The following NFIA variants were observed in gnomAD, a reference collection of about 807,000 sequenced individuals.
The protein encoded by NFIA is nuclear factor 1 A-type.
NFIA carries 8 observed loss-of-function variants against 62.8 expected under a neutral mutation model. That is an observed-to-expected ratio of 0.13 (90% CI 0.07 to 0.23). The LOEUF is 0.23. Ranked by LOEUF, NFIA falls within the 10% of genes least tolerant of loss-of-function variation. NFIA has a pLI of 1.00. For synonymous variants in NFIA, 235 were observed against 238.1 expected (o/e 0.99, Z 0.12); for missense variants, 410 against 642.1 (o/e 0.64, Z 3.91).
intron 2 of NFIA, among the ~76,000 whole-genome samples, chr1:61,162,427 A>G (rs1030422143): frequency 6.6e-6 from 1 of 152,208 alleles, no homozygotes; most frequent in African/African-American, 2.4e-5. Context: ...ATGTGAAAAG[A>G]CAGAGTTATA....
chr1:61,408,128 C>T (rs906447672), intron 9 of NFIA, among the ~76,000 whole-genome samples: 3 of 152,192 alleles, frequency 2.0e-5, no homozygotes, highest in Non-Finnish European at 4.4e-5. Context: ...ATGAGCAGCA[C>T]TGTGCATAGA....
chr1:61,269,650 T>G (rs1468450284), intron 2 of NFIA, among the ~76,000 whole-genome samples: 1 of 152,208 alleles, frequency 6.6e-6, no homozygotes, highest in Non-Finnish European at 1.5e-5. Flanking sequence ...GTTCCAAAGC[T>G]TGAATATCCA....
chr1:61,197,300 G>A (rs914035094), intron 2 of NFIA, among the ~76,000 whole-genome samples: 28 of 145,520 alleles, frequency 1.9e-4, no homozygotes, highest in African/African-American at 7.2e-4. Context: ...GTGCAGTGGC[G>A]TGATCTCGGC....
intron 9 of NFIA, among the ~76,000 whole-genome samples, chr1:61,415,582 C>T (rs530152081): frequency 1.3e-5 from 2 of 152,136 alleles, no homozygotes; most frequent in East Asian, 3.9e-4. Context: ...GAGAGCAATA[C>T]TGATTAAAAC....
chr1:61,208,114 T>G (rs891110004), intron 2 of NFIA, among the ~76,000 whole-genome samples: 2 of 152,076 alleles, frequency 1.3e-5, no homozygotes, highest in Non-Finnish European at 2.9e-5. Context: ...TCAAGTGCTT[T>G]CTTTCTTTAA....
chr1:61,192,428 G>A (rs1054099342), intron 2 of NFIA, among the ~76,000 whole-genome samples: 2 of 152,226 alleles, frequency 1.3e-5, no homozygotes, highest in South Asian at 2.1e-4. Flanking sequence ...CTTGCCAGGC[G>A]CAGTGGCTCA....
At chr1:61,331,143 A>G (rs376234261) in intron 3 of NFIA, among the ~76,000 whole-genome samples, 5 of 152,146 alleles carry the variant, frequency 3.3e-5, no homozygotes, top group African/African-American at 1.2e-4. Context: ...AAATTTTGCC[A>G]TTTTATTTCA....
At chr1:61,383,413 T>G (rs751786754) in intron 7 of NFIA, 48 bp downstream of exon 7, 1 of 1,602,944 alleles carries the variant, frequency 6.2e-7, no homozygotes, top group Admixed American at 1.7e-5. Context: ...TCATGGCCTT[T>G]GGACCCAAGT....
intron 7 of NFIA, 56 bp downstream of exon 7, chr1:61,383,421 A>G (rs556541370): frequency 1.9e-5 from 30 of 1,600,200 alleles, no homozygotes; most frequent in Non-Finnish European, 2.5e-5. Context: ...TTTGGACCCA[A>G]GTAGCAAAAT....
intron 4 of NFIA, among the ~76,000 whole-genome samples, chr1:61,346,611 AT>A (rs1662240378): frequency 6.6e-6 from 1 of 152,070 alleles, no homozygotes; most frequent in Non-Finnish European, 1.5e-5. Context: ...CATTGTAAAA[AT>A]TCTATTTTCT....
At position 61,096,632 on chromosome 1, in the gene NFIA, A is replaced by G. The variant is rs151279376; in HGVS notation, c.559+7952A>G. 1.4e-3 allele frequency among the ~76,000 whole-genome samples: 202 copies of G among 140,476 alleles called. No homozygotes were observed. In the East Asian group the frequency reaches 0.014, roughly 10 times the overall value. 92.2% of individuals were successfully genotyped at this position (140,476 alleles called of 152,430 possible). On this transcript the variant is annotated intron_variant, in intron 2 of 10. Transcript: ENST00000403491. The stretch of plus-strand genomic sequence containing the variant: ...CAATGGCATGATCTTGGCTCACTGC[A>G]ACCTCTGCCTCCTGGGTTCAAACAA...
intron 10 of NFIA, among the ~76,000 whole-genome samples, chr1:61,440,142 A>T (rs1404265706): frequency 6.6e-6 from 1 of 152,154 alleles, no homozygotes; most frequent in Non-Finnish European, 1.5e-5. Context: ...AGGGATTAGG[A>T]TCGTGCTGCT....
At chr1:61,273,722 G>A (rs332830) in intron 2 of NFIA, among the ~76,000 whole-genome samples, 99,253 of 152,008 alleles carry the variant, frequency 0.65, 32,594 homozygotes, top group East Asian at 0.82. Flanking sequence ...CAGATGGTTT[G>A]AACTCACCTT....
intron 9 of NFIA, among the ~76,000 whole-genome samples, chr1:61,425,234 C>T (rs1435797674): frequency 6.6e-6 from 1 of 151,972 alleles, no homozygotes; most frequent in Non-Finnish European, 1.5e-5. Context: ...GAAATTTTAT[C>T]CCTAGATTTG....
At chr1:61,238,217 A>G (rs567596479) in intron 2 of NFIA, among the ~76,000 whole-genome samples, 1 of 152,340 alleles carries the variant, frequency 6.6e-6, no homozygotes, top group South Asian at 2.1e-4. Flanking sequence ...TTAGCTCTTT[A>G]AAAATTAACT....
At chr1:61,423,743 T>C (rs531363863) in intron 9 of NFIA, among the ~76,000 whole-genome samples, 9 of 152,290 alleles carry the variant, frequency 5.9e-5, no homozygotes, top group African/African-American at 1.9e-4. Context: ...ATCCAATTGT[T>C]TCTGTAGGAA....
At chr1:61,210,316 T>G (rs2100602518) in intron 2 of NFIA, among the ~76,000 whole-genome samples, 1 of 152,334 alleles carries the variant, frequency 6.6e-6, no homozygotes, top group Admixed American at 6.5e-5. Context: ...AACCCAATTT[T>G]GCTGTGTTAT....
At chr1:61,297,483 A>G (rs1163002665) in intron 3 of NFIA, among the ~76,000 whole-genome samples, 1 of 152,198 alleles carries the variant, frequency 6.6e-6, no homozygotes, top group Non-Finnish European at 1.5e-5. Flanking sequence ...CTGTCTGAAA[A>G]GTCCTTTCAA....
intron 4 of NFIA, among the ~76,000 whole-genome samples, chr1:61,340,685 C>A (rs1202673582): frequency 6.6e-6 from 1 of 152,116 alleles, no homozygotes. Context: ...TGACCACTAT[C>A]AGTAAATTTA....
Sources: allele counts gnomAD v4.1 joint callset (sites outside exome capture counted in the v4.1 genomes callset), GRCh38; gene constraint gnomAD v4.1.1; transcripts MANE v1.5; gene names NCBI Gene and HGNC (gene_info 2026-07-23, HGNC 2026-07-21).